Variants in GSK3B observed in about 807,000 individuals in gnomAD.
GSK3B encodes glycogen synthase kinase 3 beta.
A neutral mutation model predicts 56.4 loss-of-function variants in GSK3B; 15 were observed. That is an observed-to-expected ratio of 0.27 (90% CI 0.18 to 0.41). GSK3B has a LOEUF of 0.41. Among genes scored for constraint, GSK3B ranks in the 10% least tolerant of loss-of-function variants. GSK3B has a pLI of 1.00. For synonymous variants in GSK3B, 181 were observed against 188.9 expected, an observed-to-expected ratio of 0.96 and a Z score of 0.34; for missense variants, 300 against 513.4, an observed-to-expected ratio of 0.58 and a Z score of 4.02.
At chr3:120,038,452 T>C (rs1576289011) in intron 1 of GSK3B, among the ~76,000 whole-genome samples, 1 of 152,078 alleles carries the variant, frequency 6.6e-6, no homozygotes, top group South Asian at 2.1e-4. Context: ...TGATTGAGCC[T>C]GGGAGGTTGA....
chr3:119,943,016 G>A (rs1014752244), intron 3 of GSK3B, among the ~76,000 whole-genome samples: 1 of 152,148 alleles, frequency 6.6e-6, no homozygotes, highest in African/African-American at 2.4e-5. Context: ...AGGCTAATTA[G>A]TACACATCTC....
chr3:120,071,654 G>T (rs2058327718), intron 1 of GSK3B, among the ~76,000 whole-genome samples: 1 of 152,058 alleles, frequency 6.6e-6, no homozygotes, highest in Admixed American at 6.5e-5. Flanking sequence ...TCTAGTCACA[G>T]GAAAACAAGC....
intron 2 of GSK3B, among the ~76,000 whole-genome samples, chr3:119,978,786 C>A (rs545938728): frequency 1.3e-5 from 2 of 152,192 alleles, no homozygotes; most frequent in Non-Finnish European, 2.9e-5. Flanking sequence ...TAAGATCTGC[C>A]GTCCCCTGGC....
chr3:119,908,822 T>C (rs191505579), intron 6 of GSK3B, among the ~76,000 whole-genome samples: 236 of 152,318 alleles, frequency 1.5e-3, no homozygotes, highest in Middle Eastern at 3.4e-3. Context: ...TTAACATTTG[T>C]ACTGAGGGTA....
chr3:119,958,684 G>A (rs1415040980), intron 2 of GSK3B, among the ~76,000 whole-genome samples: 5 of 151,196 alleles, frequency 3.3e-5, no homozygotes, highest in African/African-American at 7.3e-5. Flanking sequence ...TCTCTCCCTC[G>A]ACCCTGGAAG....
At chr3:120,071,836 G>A (rs1052124361) in intron 1 of GSK3B, among the ~76,000 whole-genome samples, 3 of 152,192 alleles carry the variant, frequency 2.0e-5, no homozygotes, top group African/African-American at 7.2e-5. Flanking sequence ...CTGGTGCCAA[G>A]AAGGTTTGGG....
chr3:119,995,355 T>G (rs1037685304), intron 2 of GSK3B, among the ~76,000 whole-genome samples: 20 of 151,512 alleles, frequency 1.3e-4, no homozygotes, highest in African/African-American at 2.4e-4. Flanking sequence ...ATAATATATA[T>G]AGAGAGGAAG....
At chr3:119,959,866 ATC>A (rs2057254783) in intron 2 of GSK3B, among the ~76,000 whole-genome samples, 1 of 151,898 alleles carries the variant, frequency 6.6e-6, no homozygotes, top group African/African-American at 2.4e-5. Context: ...CCTCACATTA[ATC>A]TGTCAAGAAA....
chr3:119,945,613 A>C (rs1383131777), intron 3 of GSK3B, among the ~76,000 whole-genome samples: 4 of 152,232 alleles, frequency 2.6e-5, no homozygotes, highest in Non-Finnish European at 5.9e-5. Flanking sequence ...GATGCCTTGC[A>C]TTCAAACGGT....
chr3:119,924,458 A>G (rs1474160509), intron 3 of GSK3B, among the ~76,000 whole-genome samples: 4 of 152,248 alleles, frequency 2.6e-5, no homozygotes, highest in African/African-American at 7.2e-5. Flanking sequence ...AGCATTTTCC[A>G]TATTATCAGT....
At chr3:119,950,201 T>C (rs2057143696) in intron 2 of GSK3B, among the ~76,000 whole-genome samples, 1 of 152,210 alleles carries the variant, frequency 6.6e-6, no homozygotes, top group South Asian at 2.1e-4. Context: ...CAAAAGCTAC[T>C]GAAAGATGCA....
intron 7 of GSK3B, among the ~76,000 whole-genome samples, chr3:119,891,297 G>A (rs949026385): frequency 4.0e-5 from 6 of 151,780 alleles, no homozygotes; most frequent in African/African-American, 9.7e-5. Context: ...TATAATTAAA[G>A]GCTAAAAGGT....
At chr3:120,070,410 C>T (rs993102254) in intron 1 of GSK3B, among the ~76,000 whole-genome samples, 4 of 152,064 alleles carry the variant, frequency 2.6e-5, no homozygotes, top group African/African-American at 9.7e-5. Context: ...TGCATAATTA[C>T]CTGCTTCACA....
At chr3:119,931,742 T>C (rs2056947816) in intron 3 of GSK3B, among the ~76,000 whole-genome samples, 1 of 152,190 alleles carries the variant, frequency 6.6e-6, no homozygotes, top group South Asian at 2.1e-4. Context: ...AAATAACTGA[T>C]ACTAGGTTTC....
In GSK3B at chr3:119,922,366, A is replaced by G. The variant is rs574589156; in HGVS notation, c.477+1007T>C. 2.0e-5 allele frequency among the ~76,000 whole-genome samples: 3 copies of G among 148,126 alleles called. No individual in the cohort carries two copies. The South Asian group carries it at 6.3e-4, about 31-fold the overall frequency. On this transcript the variant is annotated intron_variant, in intron 4 of 10. Coordinates refer to ENST00000264235, the MANE Select transcript of GSK3B (RefSeq NM_001146156.2). ...TATATAAATATATGATATACACTAC[A>G]TATAGTATAGTTTATATATAAATAT...
At chr3:119,952,487 C>CAAAAA (rs59526500) in intron 2 of GSK3B, among the ~76,000 whole-genome samples, 1 of 96,204 alleles carries the variant, frequency 1.0e-5, no homozygotes, top group Non-Finnish European at 2.1e-5. Flanking sequence ...GACTCTGTCT[C>CAAAAA]AAAAAAAAAA....
intron 7 of GSK3B, among the ~76,000 whole-genome samples, chr3:119,905,383 A>T (rs542643284): frequency 2.0e-5 from 3 of 152,228 alleles, no homozygotes; most frequent in Non-Finnish European, 1.5e-5. Flanking sequence ...TGTGCTCCAC[A>T]GAGTATTAGG....
rs71156775 is a variant in GSK3B, at chr3:119,822,243, TTATATATA to T, written c.*4537_*4544del. 7 of 158,550 alleles carry T rather than the reference TTATATATA, an allele frequency of 4.4e-5. No individual in the cohort carries two copies. The highest frequency in any genetic ancestry group is 2.2e-4 in the South Asian group (1 of 4,592). 9.8% of individuals were successfully genotyped at this position (158,550 alleles called of 1,614,324 possible). On this transcript the variant is annotated 3_prime_UTR_variant, in exon 11 of 11. Coordinates refer to ENST00000264235, the MANE Select transcript of GSK3B (RefSeq NM_001146156.2). ...TAGTTTGTATACAACCCACAGTCCT[TTATATATA>T]TATATATATATATATAATAAATTTT...
chr3:119,834,521 G>A (rs1424619049), intron 10 of GSK3B, among the ~76,000 whole-genome samples: 5 of 152,150 alleles, frequency 3.3e-5, no homozygotes, highest in Non-Finnish European at 2.9e-5. Flanking sequence ...TTGATCTGCT[G>A]GCAGCTGAGA....
Sources: gnomAD v4.1 joint callset for allele counts (sites outside exome capture counted in the v4.1 genomes callset) on GRCh38, gnomAD v4.1.1 for gene constraint, MANE v1.5 for transcripts, NCBI Gene and HGNC (gene_info 2026-07-23, HGNC 2026-07-21) for gene names.